SCRG1: variants seen among roughly 807,000 people sequenced by gnomAD.
SCRG1 encodes the protein stimulator of chondrogenesis 1.
A neutral mutation model predicts 7.7 loss-of-function variants in SCRG1; 3 were observed. The observed-to-expected ratio is 0.39, with a 90% confidence interval of 0.18 to 1.01. The LOEUF is 1.01. Among genes scored for constraint, SCRG1 ranks in the 50% least tolerant of loss-of-function variants. The probability of loss-of-function intolerance (pLI) is 0.36; values close to 1 mark genes in which losing one functional copy is unlikely to be tolerated. For missense variants in SCRG1, 110 were observed against 117.2 expected (o/e 0.94, Z 0.28); for synonymous variants, 46 against 41.2 (o/e 1.12, Z -0.44).
In SCRG1 at chr4:173,387,034, C is replaced by T. The variant is rs1739266423; in HGVS notation, c.*1307G>A. 1 of 152,118 alleles carries T rather than the reference C, an allele frequency of 6.6e-6. No individual in the cohort carries two copies. The highest frequency in any genetic ancestry group is 6.5e-5 in the Admixed American group (1 of 15,268). The allele number at this position is 152,118 out of a possible 1,614,324, so 9.4% of individuals were successfully genotyped here. ...GTCTCCTCTAACAATCAGAAAATAC[C>T]TTTGAAGTTCCCTGTTTTATTTACT... On this transcript the variant is annotated 3_prime_UTR_variant, in exon 3 of 3. Coordinates refer to ENST00000296506, the MANE Select transcript of SCRG1 (RefSeq NM_007281.4).
the SCRG1 span, among the ~76,000 whole-genome samples, chr4:173,445,581 C>T: frequency 4.8e-4 from 4 of 8,280 alleles, no homozygotes; most frequent in Non-Finnish European, 1.1e-3. Flanking sequence ...GACTCCGTCT[C>T]GGAAAAAAAA....
the SCRG1 span, among the ~76,000 whole-genome samples, chr4:173,414,529 T>G: frequency 2.6e-5 from 4 of 151,828 alleles, no homozygotes; most frequent in African/African-American, 4.8e-5. Flanking sequence ...AAGCAAGGAG[T>G]TGGAAAGGAA....
chr4:173,436,725 T>G, the SCRG1 span, among the ~76,000 whole-genome samples: 1 of 152,166 alleles, frequency 6.6e-6, no homozygotes, highest in Non-Finnish European at 1.5e-5. Context: ...ATCATTTGTG[T>G]GTGTTGTAGG....
the SCRG1 span, among the ~76,000 whole-genome samples, chr4:173,501,512 T>C: frequency 6.6e-6 from 1 of 152,160 alleles, no homozygotes; most frequent in African/African-American, 2.4e-5. The surrounding 1 kb of genome is among the most constrained non-coding windows in gnomAD (Gnocchi z 5.1). Context: ...CCTTGGACTC[T>C]CAGTAGGCAC....
the SCRG1 span, among the ~76,000 whole-genome samples, chr4:173,438,149 C>T: frequency 4.6e-5 from 7 of 152,006 alleles, no homozygotes; most frequent in Middle Eastern, 3.2e-3. Context: ...GGGTCTCACG[C>T]GTGTTGCACA....
At chr4:173,429,618 C>T in the SCRG1 span, among the ~76,000 whole-genome samples, 1 of 152,080 alleles carries the variant, frequency 6.6e-6, no homozygotes, top group Non-Finnish European at 1.5e-5. Context: ...GAACCTTGTT[C>T]GTGAGGGGTG....
intron 1 of SCRG1, among the ~76,000 whole-genome samples, chr4:173,397,074 AC>A (rs1739627738): frequency 6.6e-6 from 1 of 152,128 alleles, no homozygotes; most frequent in Non-Finnish European, 1.5e-5. Context: ...ATAAAATAAA[AC>A]AAAATAAAAT....
chr4:173,462,543 C>G, the SCRG1 span, among the ~76,000 whole-genome samples: 1 of 152,062 alleles, frequency 6.6e-6, no homozygotes, highest in Non-Finnish European at 1.5e-5. Flanking sequence ...AGACCCATCC[C>G]ACAAGAAATG....
chr4:173,497,240 G>T, the SCRG1 span, among the ~76,000 whole-genome samples: 2 of 152,190 alleles, frequency 1.3e-5, no homozygotes, highest in Non-Finnish European at 2.9e-5. Context: ...CTGAATGTCA[G>T]CTCCATCCTT....
the SCRG1 span, among the ~76,000 whole-genome samples, chr4:173,431,836 A>G: frequency 6.6e-6 from 1 of 152,230 alleles, no homozygotes; most frequent in South Asian, 2.1e-4. Flanking sequence ...CCAGGTCTGT[A>G]GGTAATACAT....
chr4:173,483,824 TATATATA>T, the SCRG1 span, among the ~76,000 whole-genome samples: 818 of 93,552 alleles, frequency 8.7e-3, 181 homozygotes, highest in African/African-American at 0.038. Context: ...ATATATATAA[TATATATA>T]ATATATAATA....
At chr4:173,439,881 G>A in the SCRG1 span, among the ~76,000 whole-genome samples, 8 of 152,254 alleles carry the variant, frequency 5.3e-5, no homozygotes, top group South Asian at 6.2e-4. Context: ...ACAAGGACAC[G>A]TCACACTGTC....
chr4:173,408,920 A>T (rs1377329358), upstream of SCRG1, among the ~76,000 whole-genome samples: 2 of 141,512 alleles, frequency 1.4e-5, no homozygotes, highest in African/African-American at 5.2e-5. Flanking sequence ...GTGAACCCGG[A>T]GGCAGAGCTT....
At chr4:173,485,120 A>G in the SCRG1 span, among the ~76,000 whole-genome samples, 5 of 20,492 alleles carry the variant, frequency 2.4e-4, no homozygotes, top group African/African-American at 5.6e-4. Flanking sequence ...TATATAATAT[A>G]TAATATATCA....
chr4:173,441,422 A>G, the SCRG1 span, among the ~76,000 whole-genome samples: 1 of 152,214 alleles, frequency 6.6e-6, no homozygotes, highest in East Asian at 1.9e-4. Context: ...ATATCGCATT[A>G]ACACTTCCTG....
At chr4:173,467,267 G>GAATCATATCATCT in the SCRG1 span, among the ~76,000 whole-genome samples, 1 of 152,012 alleles carries the variant, frequency 6.6e-6, no homozygotes, top group Non-Finnish European at 1.5e-5. Context: ...TTGTAGTAAA[G>GAATCATATCATCT]AATCATATCA....
chr4:173,449,711 A>G, the SCRG1 span, among the ~76,000 whole-genome samples: 45 of 152,166 alleles, frequency 3.0e-4, no homozygotes, highest in African/African-American at 1.1e-3. Flanking sequence ...CTTCTGTGAG[A>G]ATTATGTTGA....
the SCRG1 span, among the ~76,000 whole-genome samples, chr4:173,477,223 A>G: frequency 6.6e-6 from 1 of 152,172 alleles, no homozygotes; most frequent in Non-Finnish European, 1.5e-5. Flanking sequence ...ATCTTACTGC[A>G]ACTTCCAGAA....
rs1578956297 is a variant in SCRG1 at position 173,385,830 on chromosome 4, G to A, written c.*2511C>T. The A allele has an allele frequency of 3.3e-5, 5 of 152,280 alleles. No homozygotes were observed. Among genetic ancestry groups the A allele is most frequent in the Admixed American group, 3.3e-4 (5 of 15,304 alleles). The allele number at this position is 152,280 out of a possible 1,614,324, so 9.4% of individuals were successfully genotyped here. On this transcript the variant is annotated 3_prime_UTR_variant, in exon 3 of 3. Transcript: ENST00000296506. ...TAAATGGAGACACTGGATCTTTAAT[G>A]CTTTTTCCCCCTCAAGGAGAGTTCC...
Sources: gnomAD v4.1 joint callset for allele counts (sites outside exome capture counted in the v4.1 genomes callset) on GRCh38, gnomAD v4.1.1 for gene constraint, Gnocchi (gnomAD v3.1) non-coding constraint, MANE v1.5 for transcripts, NCBI Gene and HGNC (gene_info 2026-07-23, HGNC 2026-07-21) for gene names.